MYO3A: variants seen among roughly 807,000 people sequenced by gnomAD.
MYO3A encodes myosin-IIIa.
A neutral mutation model predicts 192.7 loss-of-function variants in MYO3A; 180 were observed. The ratio of observed to expected loss-of-function variants is 0.93; its 90% CI spans 0.83 to 1.06. The LOEUF (loss-of-function observed/expected upper bound fraction) is 1.06, where lower values mean the gene tolerates loss of function less well. Ranked by LOEUF, MYO3A falls within the 50% of genes least tolerant of loss-of-function variation. The pLI, the probability that MYO3A is intolerant of heterozygous loss-of-function variation, is 0.00. For missense variants in MYO3A, 1,896 were observed against 1,905.0 expected, an observed-to-expected ratio of 1.00 and a Z score of 0.09; for synonymous variants, 628 against 645.3, an observed-to-expected ratio of 0.97 and a Z score of 0.41.
Position 26,070,161 on chromosome 10 carries a change from T to A in MYO3A, c.1221T>A (p.Ile407=), listed in dbSNP as rs1395777258. The A allele has an allele frequency of 1.2e-6, 2 of 1,612,598 alleles. No individual in the cohort carries two copies. Among genetic ancestry groups the A allele is most frequent in the African/African-American group, 2.7e-5 (2 of 74,890 alleles). ...GSKRTASPPH[I]FAMADLGYQS... is the part of the protein sequence containing the mutation. ...AGAGAACTGCCAGTCCTCCTCACAT[T>A]TTTGCAATGGCTGACTTAGGATATC... Residue 407 remains isoleucine, a synonymous_variant, in exon 13 of 35, where the codon ATT becomes ATA. Coordinates refer to ENST00000642920, the MANE Select transcript of MYO3A (RefSeq NM_017433.5).
At position 26,166,175 on chromosome 10, in the gene MYO3A, A is replaced by T; in HGVS notation, c.3108A>T (p.Thr1036=). ...AGLDNWALGK[T]KVFLKYYHVE... ...TCGATAACTGGGCTCTTGGAAAAACAAAAGTAATGTTTTCATGTAATTTTC... is the reference window on the plus strand; with the variant it reads ...TCGATAACTGGGCTCTTGGAAAAACTAAAGTAATGTTTTCATGTAATTTTC... The change falls in exon 27 of 35, where the codon ACA becomes ACT. Residue 1036 remains threonine (T), a synonymous_variant. Transcript: ENST00000642920. The T allele has an allele frequency of 6.2e-7, 1 of 1,605,518 alleles. No individual in the cohort carries two copies.
rs142254066 is a variant in MYO3A at position 26,106,623 on chromosome 10, A to T, written c.1776+9941A>T. Among the ~76,000 whole-genome samples the T allele has an allele frequency of 4.1e-3, 630 of 152,130 alleles. 3 individuals carry two copies. Among genetic ancestry groups the T allele is most frequent in the African/African-American group, 0.014 (600 of 41,528 alleles). Reference sequence around the variant, plus strand: ...TTTAGTGTTTTGCTATTTTTTTGGAAAAGAATATTTATCATAATTAATTTC... The same window carrying T: ...TTTAGTGTTTTGCTATTTTTTTGGATAAGAATATTTATCATAATTAATTTC... On this transcript the variant is annotated intron_variant, in intron 17 of 34. Coordinates refer to ENST00000642920, the MANE Select transcript of MYO3A (RefSeq NM_017433.5).
chr10:26,050,515 G>A (rs1843927273), intron 10 of MYO3A, among the ~76,000 whole-genome samples: 1 of 152,164 alleles, frequency 6.6e-6, no homozygotes, highest in African/African-American at 2.4e-5. Flanking sequence ...CAGAAACTGT[G>A]TTTCTTTGCT....
chr10:26,116,259 A>T (rs1374529020), intron 17 of MYO3A, among the ~76,000 whole-genome samples: 1 of 152,142 alleles, frequency 6.6e-6, no homozygotes, highest in East Asian at 1.9e-4. Context: ...AATCTGTTCT[A>T]TGCTCCGCTC....
At chr10:25,993,034 G>C (rs1840157762) in intron 4 of MYO3A, among the ~76,000 whole-genome samples, 1 of 152,146 alleles carries the variant, frequency 6.6e-6, no homozygotes, top group African/African-American at 2.4e-5. Flanking sequence ...CAATAAGTTA[G>C]GGAGGATTCC....
chr10:26,156,879 G>A (rs1291892053), intron 25 of MYO3A, among the ~76,000 whole-genome samples: 1 of 152,092 alleles, frequency 6.6e-6, no homozygotes, highest in African/African-American at 2.4e-5. Flanking sequence ...AGTGTCTGTT[G>A]TAAAGTATTC....
chr10:25,939,116 C>G (rs1049860711), intron 2 of MYO3A, among the ~76,000 whole-genome samples: 5 of 151,964 alleles, frequency 3.3e-5, no homozygotes, highest in African/African-American at 1.2e-4. Context: ...ATTTTTCCTT[C>G]TGTAATATTT....
At chr10:26,153,059 A>C (rs978716826) in intron 23 of MYO3A, among the ~76,000 whole-genome samples, 1 of 152,236 alleles carries the variant, frequency 6.6e-6, no homozygotes, top group African/African-American at 2.4e-5. Context: ...TATTTTGCAC[A>C]TTACTATTAG....
chr10:26,136,287 G>A (rs1680264485), intron 20 of MYO3A, among the ~76,000 whole-genome samples: 1 of 152,152 alleles, frequency 6.6e-6, no homozygotes, highest in South Asian at 2.1e-4. Flanking sequence ...AGAATATTGA[G>A]GGTCATATAT....
At chr10:26,110,386 T>C (rs1838090873) in intron 17 of MYO3A, among the ~76,000 whole-genome samples, 2 of 152,212 alleles carry the variant, frequency 1.3e-5, no homozygotes, top group Non-Finnish European at 2.9e-5. Context: ...ATGCATTTTC[T>C]CTGAGGGCTT....
chr10:26,013,982 T>A (rs1435260378), intron 6 of MYO3A, among the ~76,000 whole-genome samples: 1 of 152,104 alleles, frequency 6.6e-6, no homozygotes, highest in Non-Finnish European at 1.5e-5. Flanking sequence ...ACAACTTGGA[T>A]GGAGCTGGAG....
chr10:26,032,045 T>A (rs1237936847), intron 10 of MYO3A, among the ~76,000 whole-genome samples: 1 of 152,238 alleles, frequency 6.6e-6, no homozygotes, highest in East Asian at 1.9e-4. Flanking sequence ...ATATTTTACT[T>A]GATGCTCTCA....
In MYO3A at chr10:25,967,021, G is replaced by A. The variant is rs552831123; in HGVS notation, c.303+12013G>A. 3.3e-5 allele frequency among the ~76,000 whole-genome samples: 5 copies of A among 152,292 alleles called. No homozygotes were observed. The East Asian group carries it at 9.6e-4, about 29-fold the overall frequency. ...GGCAGTTTCCAGAGCACAGGCAGAAGGAAGCTGTTCCCAAGGAGATCAAAG... is the reference window on the plus strand; with the variant it reads ...GGCAGTTTCCAGAGCACAGGCAGAAAGAAGCTGTTCCCAAGGAGATCAAAG... On this transcript the variant is annotated intron_variant, in intron 4 of 34. Coordinates refer to ENST00000642920, the MANE Select transcript of MYO3A (RefSeq NM_017433.5).
intron 17 of MYO3A, among the ~76,000 whole-genome samples, chr10:26,102,854 C>T (rs1402313667): frequency 6.6e-6 from 1 of 152,200 alleles, no homozygotes; most frequent in African/African-American, 2.4e-5. Flanking sequence ...GGTCAGGGAC[C>T]CACTTGAGGA....
intron 6 of MYO3A, among the ~76,000 whole-genome samples, chr10:26,010,603 A>G (rs1336548776): frequency 2.6e-5 from 4 of 152,106 alleles, no homozygotes; most frequent in African/African-American, 9.7e-5. Context: ...AGTTGGGACT[A>G]CAGGCACACA....
At chr10:25,989,261 C>CTT (rs761028666) in intron 4 of MYO3A, among the ~76,000 whole-genome samples, 250 of 135,174 alleles carry the variant, frequency 1.8e-3, no homozygotes, top group African/African-American at 6.2e-3. Context: ...AGTTTTTTGG[C>CTT]TTTTTTTTTT....
chr10:25,987,239 A>G (rs1052039861), intron 4 of MYO3A, among the ~76,000 whole-genome samples: 4 of 152,144 alleles, frequency 2.6e-5, no homozygotes, highest in Non-Finnish European at 5.9e-5. Context: ...TAAATGTAAA[A>G]CCTGAATCCA....
chr10:26,145,115 G>C (rs1240638957), intron 21 of MYO3A, among the ~76,000 whole-genome samples: 3 of 151,110 alleles, frequency 2.0e-5, no homozygotes, highest in Non-Finnish European at 4.4e-5. Flanking sequence ...GGAGGTGGAG[G>C]TTGCAGTGAG....
At chr10:26,089,240 G>T (rs1836536327) in intron 15 of MYO3A, among the ~76,000 whole-genome samples, 1 of 152,124 alleles carries the variant, frequency 6.6e-6, no homozygotes, top group South Asian at 2.1e-4. Context: ...TCATGAGTAA[G>T]TCATGAATAG....
Sources: allele counts gnomAD v4.1 joint callset (sites outside exome capture counted in the v4.1 genomes callset), GRCh38; gene constraint gnomAD v4.1.1; transcripts MANE v1.5; gene names NCBI Gene and HGNC (gene_info 2026-07-23, HGNC 2026-07-21).